The following AKAP12 variants were observed in gnomAD, a reference collection of about 807,000 sequenced individuals.
The protein encoded by AKAP12 is A-kinase anchoring protein 12.
A neutral mutation model predicts 79.9 loss-of-function variants in AKAP12; 32 were observed. That is an observed-to-expected ratio of 0.40 (90% CI 0.30 to 0.54). The LOEUF (loss-of-function observed/expected upper bound fraction) is 0.54. Among genes scored for constraint, AKAP12 ranks in the 20% least tolerant of loss-of-function variants. The pLI is 0.48. For missense variants in AKAP12, 2,074 were observed against 2,177.0 expected (o/e 0.95, Z 0.94); for synonymous variants, 808 against 857.0 (o/e 0.94, Z 1.00).
rs372193237 is a variant in AKAP12, at chr6:151,247,471, A to G, written c.162+6747A>G. On this transcript the variant is annotated intron_variant, in intron 2 of 4. Transcript: ENST00000402676. ...CCCAGAAATTAATCAAATTGGAAAA[A>G]AGCAAGTTCAAGAATAAAAACGCAG... Among the ~76,000 whole-genome samples the G allele has an allele frequency of 2.0e-4, 30 of 152,338 alleles. 1 individual carries two copies. The East Asian group carries it at 5.0e-3, about 25-fold the overall frequency.
intron 3 of AKAP12, chr6:151,324,898 T>C (rs1777484748): frequency 1.4e-5 from 14 of 985,336 alleles, no homozygotes; most frequent in African/African-American, 1.7e-5. Context: ...ACTTTTAACA[T>C]AGGCTTTGAT....
chr6:151,322,151 G>A (rs546113186), intron 3 of AKAP12, among the ~76,000 whole-genome samples: 5 of 151,996 alleles, frequency 3.3e-5, no homozygotes, highest in African/African-American at 4.8e-5. Context: ...CTCGTGATCT[G>A]CCCACCTCAG....
In AKAP12 at chr6:151,306,517, G is replaced by A. The variant is rs145912568; in HGVS notation, c.319+614G>A. Among the ~76,000 whole-genome samples, 936 of 152,300 alleles carry A rather than the reference G, an allele frequency of 6.1e-3. 7 individuals are homozygous for A. The highest frequency in any genetic ancestry group is 0.019 in the African/African-American group (792 of 41,568). On this transcript the variant is annotated intron_variant, in intron 3 of 4. Transcript: ENST00000402676. Reference sequence around the variant, plus strand: ...CATGTTGAAGAAGGACCTTGAGCTCGTTGTTCCATTTAATTATAAATAAAG... The same window carrying A: ...CATGTTGAAGAAGGACCTTGAGCTCATTGTTCCATTTAATTATAAATAAAG...
intron 3 of AKAP12, among the ~76,000 whole-genome samples, chr6:151,336,489 A>G (rs1254326899): frequency 1.3e-5 from 2 of 152,160 alleles, no homozygotes; most frequent in Admixed American, 6.5e-5. Context: ...TCACATCTAT[A>G]ATCCCAGCAC....
chr6:151,249,370 A>G (rs1361143225), intron 2 of AKAP12, among the ~76,000 whole-genome samples: 1 of 152,178 alleles, frequency 6.6e-6, no homozygotes, highest in Non-Finnish European at 1.5e-5. Context: ...AATAGAGACA[A>G]GGTCTCACTG....
chr6:151,252,066 C>G (rs150343234), intron 2 of AKAP12, among the ~76,000 whole-genome samples: 2,123 of 152,288 alleles, frequency 0.014, 41 homozygotes, highest in African/African-American at 0.049. Context: ...TAGATAATGA[C>G]AGAGGGCTTC....
chr6:151,272,359 A>AC (rs1776202428), intron 2 of AKAP12, among the ~76,000 whole-genome samples: 1 of 145,762 alleles, frequency 6.9e-6, no homozygotes, highest in African/African-American at 2.7e-5. Flanking sequence ...AAAAAAAAAA[A>AC]CAAAAAAAAC....
At chr6:151,249,043 A>G (rs1369243928) in intron 2 of AKAP12, among the ~76,000 whole-genome samples, 1 of 152,060 alleles carries the variant, frequency 6.6e-6, no homozygotes, top group African/African-American at 2.4e-5. Context: ...GTGCCATTCA[A>G]GGTAAGTAGG....
chr6:151,280,943 C>G (rs905849704), intron 2 of AKAP12, among the ~76,000 whole-genome samples: 2 of 152,138 alleles, frequency 1.3e-5, no homozygotes, highest in East Asian at 3.8e-4. Context: ...TTTGCTTTCA[C>G]TTAGAGAATT....
Position 151,350,166 on chromosome 6 carries a change from C to T in AKAP12, c.1775C>T (p.Ala592Val), listed in dbSNP as rs375298142. The T allele has an allele frequency of 1.2e-6, 2 of 1,613,726 alleles. No homozygotes were observed. Among genetic ancestry groups the T allele is most frequent in the Non-Finnish European group, 1.7e-6 (2 of 1,179,928 alleles). The stretch of plus-strand genomic sequence containing the variant: ...GCCGAGGTGCAGCAGGATGGGGAAG[C>T]TGAAGAAGGAGCTACTTCCGATGGA... ...GLAEVQQDGE[A>V]EEGATSDGEK... The change falls in exon 4 of 5, where the codon GCT becomes GTT. Residue 592 changes from alanine to valine, a missense_variant. By Grantham distance (64) the Ala-to-Val change is moderately conservative. Around this residue, in one of 3 missense-constraint regions of AKAP12, gnomAD observed 1,428 missense variants for 1,451.0 expected, o/e 0.98. Transcript: ENST00000402676. The surrounding 1 kb of genome is among the most constrained non-coding windows in gnomAD (Gnocchi z 4.8).
intron 2 of AKAP12, among the ~76,000 whole-genome samples, chr6:151,246,201 A>G (rs898790633): frequency 5.3e-5 from 8 of 152,090 alleles, no homozygotes; most frequent in Admixed American, 4.6e-4. Flanking sequence ...GGTGAATCAC[A>G]AGGTCAGGAG....
chr6:151,323,363 C>T (rs1280154873), intron 3 of AKAP12, among the ~76,000 whole-genome samples: 2 of 152,140 alleles, frequency 1.3e-5, no homozygotes, highest in Non-Finnish European at 2.9e-5. Context: ...CCAGCCTGGC[C>T]AACACGGTGA....
intron 3 of AKAP12, among the ~76,000 whole-genome samples, chr6:151,313,612 G>A (rs1777168116): frequency 6.6e-6 from 1 of 152,166 alleles, no homozygotes; most frequent in African/African-American, 2.4e-5. Context: ...CAGTCAAGAT[G>A]TTTTTCTCTG....
intron 3 of AKAP12, among the ~76,000 whole-genome samples, chr6:151,334,193 C>T (rs183449326): frequency 4.8e-4 from 73 of 152,306 alleles, no homozygotes; most frequent in Non-Finnish European, 6.9e-4. Flanking sequence ...AGGGAGTTAA[C>T]TTGAGACATA....
At position 151,349,343 on chromosome 6, in the gene AKAP12, G is replaced by T; in HGVS notation, c.952G>T (p.Glu318Ter). 6.2e-7 allele frequency: 1 copy of T among 1,614,054 alleles called. No individual in the cohort carries two copies. Among genetic ancestry groups the T allele is most frequent in the Non-Finnish European group, 8.5e-7 (1 of 1,180,006 alleles). The change falls in exon 4 of 5, where the codon GAG (glutamate) becomes TAG (stop). Residue 318 changes from glutamate (E) to a stop codon, truncating the protein, a stop_gained. Transcript: ENST00000402676. LOFTEE classifies it high-confidence loss of function. ...RKKTSFRKPK[E>*]DEVEASEKKK... ...AAAGACCAGTTTCAGGAAGCCGAAG[G>T]AGGATGAAGTGGAAGCTTCAGAGAA...
intron 2 of AKAP12, among the ~76,000 whole-genome samples, chr6:151,266,599 T>G (rs1274904393): frequency 6.6e-6 from 1 of 152,204 alleles, no homozygotes; most frequent in Non-Finnish European, 1.5e-5. Flanking sequence ...AGTGTTCATA[T>G]CCTTTGCTCC....
chr6:151,260,928 G>T (rs1797415611), intron 2 of AKAP12, among the ~76,000 whole-genome samples: 1 of 152,164 alleles, frequency 6.6e-6, no homozygotes, highest in African/African-American at 2.4e-5. Flanking sequence ...GGAGGTGGAG[G>T]TTGCAGTGAG....
At chr6:151,290,798 C>A (rs961317502) in intron 2 of AKAP12, among the ~76,000 whole-genome samples, 1 of 152,060 alleles carries the variant, frequency 6.6e-6, no homozygotes, top group Admixed American at 6.5e-5. Context: ...TTAGTAGAGA[C>A]GGGGTTTCTC....
intron 2 of AKAP12, among the ~76,000 whole-genome samples, chr6:151,252,920 G>C (rs1170260533): frequency 6.6e-6 from 1 of 152,120 alleles, no homozygotes; most frequent in Non-Finnish European, 1.5e-5. Flanking sequence ...AAGAAATGAG[G>C]TTGCTTGGGG....
Sources: gnomAD v4.1 joint callset for allele counts (sites outside exome capture counted in the v4.1 genomes callset) on GRCh38, gnomAD v4.1.1 for gene constraint, gnomAD v4.1.1 regional missense constraint, Gnocchi (gnomAD v3.1) non-coding constraint, MANE v1.5 for transcripts, NCBI Gene and HGNC (gene_info 2026-07-23, HGNC 2026-07-21) for gene names.